The following RARB variants were observed in gnomAD, a reference collection of about 807,000 sequenced individuals.
RARB encodes retinoic acid receptor beta.
RARB carries 17 observed loss-of-function variants against 51.9 expected under a neutral mutation model. That is an observed-to-expected ratio of 0.33 (90% CI 0.22 to 0.49). The LOEUF is 0.49. RARB is among the 20% of genes least tolerant of loss of function. The pLI, the probability that RARB is intolerant of heterozygous loss-of-function variation, is 0.99. For synonymous variants in RARB, 215 were observed against 195.4 expected, an observed-to-expected ratio of 1.10 and a Z score of -0.84; for missense variants, 369 against 550.8, an observed-to-expected ratio of 0.67 and a Z score of 3.30.
intron 4 of RARB, among the ~76,000 whole-genome samples, chr3:25,133,262 A>T (rs1162226056): frequency 6.6e-6 from 1 of 151,966 alleles, no homozygotes; most frequent in Non-Finnish European, 1.5e-5. Context: ...ATTACTTTTC[A>T]ATTCAGAATC....
intron 5 of RARB, among the ~76,000 whole-genome samples, chr3:25,275,280 G>A (rs1361660422): frequency 2.0e-5 from 3 of 152,134 alleles, no homozygotes; most frequent in African/African-American, 7.2e-5. Context: ...TGGGCACATG[G>A]CAAAACCCTG....
upstream of RARB, among the ~76,000 whole-genome samples, chr3:25,425,623 A>G (rs1707967974): frequency 6.6e-6 from 1 of 152,200 alleles, no homozygotes; most frequent in Non-Finnish European, 1.5e-5. Flanking sequence ...AGGTAATTAT[A>G]TATTTTACAT....
At chr3:25,156,201 A>G (rs1700371633) in intron 4 of RARB, among the ~76,000 whole-genome samples, 3 of 152,340 alleles carry the variant, frequency 2.0e-5, no homozygotes, top group Middle Eastern at 3.4e-3. Flanking sequence ...TTTAGCAGGA[A>G]TGAATGGGAT....
intron 3 of RARB, among the ~76,000 whole-genome samples, chr3:25,565,204 G>C (rs145133338): frequency 3.5e-4 from 53 of 152,290 alleles, no homozygotes; most frequent in African/African-American, 1.1e-3. Context: ...GATCCTGACT[G>C]TATCACTCAC....
chr3:24,845,003 A>C (rs1043540384), intron 1 of RARB, among the ~76,000 whole-genome samples: 5 of 152,174 alleles, frequency 3.3e-5, no homozygotes, highest in African/African-American at 1.2e-4. Context: ...ATTTCTTCTT[A>C]TTCTATTCAA....
chr3:25,143,757 GC>G (rs1412981140), intron 4 of RARB, among the ~76,000 whole-genome samples: 1 of 152,148 alleles, frequency 6.6e-6, no homozygotes, highest in Non-Finnish European at 1.5e-5. Flanking sequence ...TGCTGCCCTG[GC>G]CCTTGGAGTT....
At chr3:25,443,401 C>T (rs1559404986) in intron 1 of RARB, among the ~76,000 whole-genome samples, 2 of 143,722 alleles carry the variant, frequency 1.4e-5, no homozygotes, top group African/African-American at 5.1e-5. Context: ...TATTGCTCCC[C>T]CTTGTCCCCC....
At chr3:25,419,471 A>G (rs768377158) in intron 5 of RARB, among the ~76,000 whole-genome samples, 4 of 152,112 alleles carry the variant, frequency 2.6e-5, no homozygotes, top group Non-Finnish European at 5.9e-5. Context: ...AAGCAGAGGA[A>G]TGAGAGGAGC....
At chr3:25,200,131 C>T (rs556875271) in intron 5 of RARB, among the ~76,000 whole-genome samples, 26 of 152,044 alleles carry the variant, frequency 1.7e-4, no homozygotes, top group Non-Finnish European at 3.1e-4. Context: ...TTTTAATGAT[C>T]TCCATTCTAA....
chr3:25,320,332 CATAAG>C (rs1402061339), intron 5 of RARB, among the ~76,000 whole-genome samples: 1 of 152,110 alleles, frequency 6.6e-6, no homozygotes, highest in African/African-American at 2.4e-5. Flanking sequence ...ATCACCACCC[CATAAG>C]ATATTATTTT....
chr3:25,193,913 TTA>T (rs1253470012), intron 5 of RARB, among the ~76,000 whole-genome samples: 1 of 4,422 alleles, frequency 2.3e-4, no homozygotes, highest in Admixed American at 4.0e-3. Context: ...AATTAATCAG[TTA>T]GTAAGATGAT....
At chr3:25,267,845 A>G (rs752445258) in intron 5 of RARB, among the ~76,000 whole-genome samples, 1 of 152,212 alleles carries the variant, frequency 6.6e-6, no homozygotes, top group Non-Finnish European at 1.5e-5. Context: ...AGAATTAAGT[A>G]CTTTTATTTT....
At chr3:24,853,119 T>G (rs1267983850) in intron 1 of RARB, among the ~76,000 whole-genome samples, 2 of 150,834 alleles carry the variant, frequency 1.3e-5, no homozygotes, top group Non-Finnish European at 3.0e-5. Flanking sequence ...TTGAGACCAT[T>G]CTGGTTAACA....
At chr3:25,063,224 A>G (rs995443868) in intron 3 of RARB, among the ~76,000 whole-genome samples, 2 of 152,060 alleles carry the variant, frequency 1.3e-5, no homozygotes, top group Non-Finnish European at 2.9e-5. Flanking sequence ...GATTAAAATC[A>G]TACAAATTGT....
intron 5 of RARB, among the ~76,000 whole-genome samples, chr3:25,586,742 G>T (rs958512811): frequency 2.0e-5 from 3 of 152,160 alleles, no homozygotes; most frequent in Non-Finnish European, 4.4e-5. Context: ...ATGGAGGGCC[G>T]TTCCCATGTG....
intron 5 of RARB, among the ~76,000 whole-genome samples, chr3:25,274,981 A>G (rs189775598): frequency 2.0e-5 from 3 of 152,292 alleles, no homozygotes; most frequent in African/African-American, 4.8e-5. Context: ...TGTTTATGCT[A>G]TGTAAGGATA....
At chr3:24,843,833 C>T (rs1484821812) in intron 1 of RARB, among the ~76,000 whole-genome samples, 2 of 151,772 alleles carry the variant, frequency 1.3e-5, no homozygotes, top group East Asian at 1.9e-4. Context: ...ATGACAAAGT[C>T]GATCAGCTGT....
At chr3:24,968,687 G>T (rs1181504318) in intron 2 of RARB, among the ~76,000 whole-genome samples, 3 of 152,080 alleles carry the variant, frequency 2.0e-5, no homozygotes, top group Admixed American at 1.3e-4. Context: ...TGCTCACAGG[G>T]TTCAAGGGGT....
At chr3:24,860,066 C>T (rs539479047) in intron 2 of RARB, among the ~76,000 whole-genome samples, 3 of 152,266 alleles carry the variant, frequency 2.0e-5, no homozygotes, top group African/African-American at 7.2e-5. Context: ...TGAACCTCCA[C>T]TTGGTTTGTG....
Sources: allele counts gnomAD v4.1 joint callset (sites outside exome capture counted in the v4.1 genomes callset), GRCh38; gene constraint gnomAD v4.1.1; transcripts MANE v1.5; gene names NCBI Gene and HGNC (gene_info 2026-07-23, HGNC 2026-07-21).